Variants in HTR1E observed in about 807,000 individuals in gnomAD.
HTR1E encodes the protein 5-hydroxytryptamine receptor 1E, also known as 5-HT-1E.
In HTR1E, 3 loss-of-function variants were observed where a neutral mutation model predicts 3.4. That is an observed-to-expected ratio of 0.89 (90% CI 0.41 to 2.31). The LOEUF (loss-of-function observed/expected upper bound fraction) is 2.31, where lower values mean the gene tolerates loss of function less well. Ranked by LOEUF, HTR1E falls within the 30% of genes most tolerant of loss-of-function variation. HTR1E has a pLI of 0.05. For synonymous variants in HTR1E, 170 were observed against 182.8 expected (o/e 0.93, Z 0.56); for missense variants, 392 against 467.0 (o/e 0.84, Z 1.48).
At chr6:86,981,892 T>C (rs1345971554) in intron 1 of HTR1E, among the ~76,000 whole-genome samples, 1 of 152,210 alleles carries the variant, frequency 6.6e-6, no homozygotes, top group Non-Finnish European at 1.5e-5. Flanking sequence ...CTCCAGCAAC[T>C]CTGGCCAGAC....
rs1466030514 is a variant in HTR1E, at chr6:87,009,896, C to T, written c.-185-5254C>T. On this transcript the variant is annotated intron_variant, in intron 1 of 1. Transcript: ENST00000305344. Reference sequence around the variant, plus strand: ...GCCGGGCGGGGGGCCGACCTCCCCACCTCCCTCCCGGACGGGGCGGCTGGC... The same window carrying T: ...GCCGGGCGGGGGGCCGACCTCCCCATCTCCCTCCCGGACGGGGCGGCTGGC... Among the ~76,000 whole-genome samples, 527 of 120,628 alleles carry T rather than the reference C, an allele frequency of 4.4e-3. 14 individuals carry two copies. The highest frequency in any genetic ancestry group is 0.018 in the African/African-American group (505 of 27,518). The allele number at this position is 120,628 out of a possible 152,430, so 79.1% of individuals were successfully genotyped here. A position where few individuals can be genotyped will look rare whatever the true frequency, so the allele number is the denominator to read the frequency against.
At chr6:87,009,412 G>C (rs1208908616) in intron 1 of HTR1E, among the ~76,000 whole-genome samples, 1 of 152,036 alleles carries the variant, frequency 6.6e-6, no homozygotes, top group Non-Finnish European at 1.5e-5. Flanking sequence ...CCACGGCAGA[G>C]GAATTTTTCT....
At chr6:86,975,212 A>C (rs1432041571) in intron 1 of HTR1E, among the ~76,000 whole-genome samples, 2 of 152,244 alleles carry the variant, frequency 1.3e-5, no homozygotes, top group African/African-American at 4.8e-5. Flanking sequence ...TCACACTCAA[A>C]GGTTCCAACT....
intron 1 of HTR1E, among the ~76,000 whole-genome samples, chr6:86,949,001 T>A (rs1313035199): frequency 6.6e-6 from 1 of 152,236 alleles, no homozygotes; most frequent in Non-Finnish European, 1.5e-5. Context: ...GATCTACACT[T>A]GACACTGAAG....
At chr6:86,972,437 G>T (rs1205879508) in intron 1 of HTR1E, among the ~76,000 whole-genome samples, 1 of 152,110 alleles carries the variant, frequency 6.6e-6, no homozygotes, top group Non-Finnish European at 1.5e-5. Context: ...ATTACAACTG[G>T]TGGTTGTACA....
intron 1 of HTR1E, among the ~76,000 whole-genome samples, chr6:86,976,622 T>C (rs1223758760): frequency 6.6e-6 from 1 of 152,216 alleles, no homozygotes; most frequent in Non-Finnish European, 1.5e-5. Context: ...AAGAAAAATA[T>C]TGATATGTGT....
intron 1 of HTR1E, among the ~76,000 whole-genome samples, chr6:86,942,511 T>C (rs147020362): frequency 6.6e-6 from 1 of 152,328 alleles, no homozygotes; most frequent in African/African-American, 2.4e-5. Flanking sequence ...GAAAGAAGCA[T>C]GATTTCCTCT....
intron 1 of HTR1E, among the ~76,000 whole-genome samples, chr6:87,001,988 A>G (rs1768030717): frequency 1.3e-5 from 2 of 152,260 alleles, no homozygotes; most frequent in Admixed American, 6.5e-5. Flanking sequence ...CAGACAAAAT[A>G]GATTTCAAAA....
chr6:86,981,290 TTTAAA>T (rs1448236040), intron 1 of HTR1E, among the ~76,000 whole-genome samples: 3 of 152,238 alleles, frequency 2.0e-5, no homozygotes, highest in Admixed American at 6.5e-5. Context: ...ACTACTCTAC[TTTAAA>T]TTAAATATTA....
chr6:86,955,364 T>A (rs1373248038), intron 1 of HTR1E, among the ~76,000 whole-genome samples: 1 of 152,190 alleles, frequency 6.6e-6, no homozygotes, highest in Non-Finnish European at 1.5e-5. Context: ...AACGTTAGAA[T>A]GCTCTGTACA....
chr6:87,008,857 C>T (rs1409093125), intron 1 of HTR1E, among the ~76,000 whole-genome samples: 1 of 152,128 alleles, frequency 6.6e-6, no homozygotes, highest in East Asian at 1.9e-4. Context: ...AGAAGTATAA[C>T]TTGACAAAAC....
intron 1 of HTR1E, among the ~76,000 whole-genome samples, chr6:86,945,221 T>C (rs1768599036): frequency 6.6e-6 from 1 of 151,968 alleles, no homozygotes; most frequent in Non-Finnish European, 1.5e-5. Context: ...CTAAGGCTAA[T>C]GTGTCTGTAT....
At chr6:86,973,619 C>A (rs1232756700) in intron 1 of HTR1E, among the ~76,000 whole-genome samples, 4 of 152,064 alleles carry the variant, frequency 2.6e-5, no homozygotes, top group Admixed American at 6.5e-5. Context: ...ACATTTGCTT[C>A]ATTTTAATAG....
At chr6:86,945,211 C>G (rs978431955) in intron 1 of HTR1E, among the ~76,000 whole-genome samples, 4 of 151,846 alleles carry the variant, frequency 2.6e-5, no homozygotes, top group Non-Finnish European at 4.4e-5. Context: ...CCTGTGTAGG[C>G]TAAGGCTAAT....
chr6:86,973,369 T>G (rs73753629), intron 1 of HTR1E, among the ~76,000 whole-genome samples: 16,582 of 151,530 alleles, frequency 0.11, 993 homozygotes, highest in Middle Eastern at 0.18. Context: ...AGTGGGAAAT[T>G]CAGTAAGTCT....
chr6:86,997,653 T>C (rs1767962732), intron 1 of HTR1E, among the ~76,000 whole-genome samples: 2 of 151,814 alleles, frequency 1.3e-5, no homozygotes, highest in Admixed American at 1.3e-4. Flanking sequence ...AGGACTTGTA[T>C]GCTAAAAATT....
At chr6:86,945,822 C>A (rs1768608438) in intron 1 of HTR1E, among the ~76,000 whole-genome samples, 1 of 151,846 alleles carries the variant, frequency 6.6e-6, no homozygotes, top group South Asian at 2.1e-4. Context: ...ACTGCAACGT[C>A]CGCCTCCCCA....
Position 87,013,434 on chromosome 6 carries a change from T to C in HTR1E, c.-185-1716T>C, listed in dbSNP as rs974743554. Among the ~76,000 whole-genome samples the C allele has an allele frequency of 3.9e-5, 6 of 152,298 alleles. No homozygotes were observed. The East Asian group carries it at 1.2e-3, about 29-fold the overall frequency. ...TAAAGTGGAAATTTAAAGTTACAAA[T>C]CCCCAAAAAGGTCCTCCATCAACTC... On this transcript the variant is annotated intron_variant, in intron 1 of 1. Transcript: ENST00000305344.
chr6:87,010,340 ACGGGGCGGC>A (rs1768196569), intron 1 of HTR1E, among the ~76,000 whole-genome samples: 2 of 101,774 alleles, frequency 2.0e-5, no homozygotes, highest in Non-Finnish European at 3.8e-5. Flanking sequence ...TCCCTCCCGG[ACGGGGCGGC>A]TGGCCGGGCG....
Sources: allele counts gnomAD v4.1 joint callset (sites outside exome capture counted in the v4.1 genomes callset), GRCh38; gene constraint gnomAD v4.1.1; transcripts MANE v1.5; gene names NCBI Gene and HGNC (gene_info 2026-07-23, HGNC 2026-07-21).